The following ADCY9 variants were observed in gnomAD, a reference collection of about 807,000 sequenced individuals.
The protein encoded by ADCY9 is adenylate cyclase 9.
ADCY9 carries 50 observed loss-of-function variants against 101.5 expected under a neutral mutation model. That is an observed-to-expected ratio of 0.49 (90% confidence interval 0.39 to 0.62). The LOEUF (loss-of-function observed/expected upper bound fraction) is 0.62, where lower values mean the gene tolerates loss of function less well. ADCY9 is among the 20% of genes least tolerant of loss of function. The probability of loss-of-function intolerance (pLI) is 0.00; values close to 1 mark genes in which losing one functional copy is unlikely to be tolerated. For missense variants in ADCY9, 1,662 were observed against 1,800.4 expected (o/e 0.92, Z 1.39); for synonymous variants, 905 against 769.3 (o/e 1.18, Z -2.92).
intron 7 of ADCY9, among the ~76,000 whole-genome samples, chr16:3,981,203 G>A (rs2056139506): frequency 6.6e-6 from 1 of 152,232 alleles, no homozygotes; most frequent in Non-Finnish European, 1.5e-5. Flanking sequence ...AGATCCTTGG[G>A]GAGTATGTCT....
chr16:4,051,186 C>T (rs1486317646), intron 2 of ADCY9, among the ~76,000 whole-genome samples: 1 of 151,470 alleles, frequency 6.6e-6, no homozygotes, highest in East Asian at 1.9e-4. Context: ...GCACTCCAGC[C>T]GGGGCAACAG....
chr16:4,019,209 T>C (rs537833562), intron 2 of ADCY9, among the ~76,000 whole-genome samples: 101 of 152,260 alleles, frequency 6.6e-4, no homozygotes, highest in African/African-American at 2.3e-3. Context: ...CTTGAACTCC[T>C]GGCCTGAAGT....
intron 2 of ADCY9, among the ~76,000 whole-genome samples, chr16:4,022,620 A>G (rs2056485730): frequency 6.6e-6 from 1 of 151,664 alleles, no homozygotes; most frequent in Non-Finnish European, 1.5e-5. Context: ...GTATACCTGC[A>G]GCAATTTTTT....
intron 2 of ADCY9, among the ~76,000 whole-genome samples, chr16:4,090,879 A>G (rs189513429): frequency 9.2e-4 from 140 of 152,032 alleles, no homozygotes; most frequent in African/African-American, 3.2e-3. Context: ...TTATATCTAC[A>G]TTATAATTTT....
chr16:3,979,727 T>C (rs2056124867), intron 7 of ADCY9, among the ~76,000 whole-genome samples: 1 of 152,176 alleles, frequency 6.6e-6, no homozygotes, highest in African/African-American at 2.4e-5. Flanking sequence ...TCCTGGCATC[T>C]GGTGGGCAGG....
At chr16:4,065,711 G>A (rs1042335594) in intron 2 of ADCY9, among the ~76,000 whole-genome samples, 1 of 152,216 alleles carries the variant, frequency 6.6e-6, no homozygotes, top group African/African-American at 2.4e-5. Context: ...TGGGATTACA[G>A]GCATGAGCCA....
chr16:4,101,487 C>A (rs1445094351), intron 2 of ADCY9, among the ~76,000 whole-genome samples: 1 of 152,186 alleles, frequency 6.6e-6, no homozygotes, highest in Admixed American at 6.6e-5. Context: ...CTATGTTGCC[C>A]AGACTGGTCT....
intron 2 of ADCY9, among the ~76,000 whole-genome samples, chr16:4,015,998 G>A (rs1352217658): frequency 6.6e-6 from 1 of 151,830 alleles, no homozygotes; most frequent in East Asian, 1.9e-4. Flanking sequence ...AAACGAAAAT[G>A]CTGTGATATG....
chr16:4,018,906 G>A lies in ADCY9; in HGVS notation c.1694-11348C>T, dbSNP rs1223960286. ...TGGTGGCTGAAATACTATGGACTAT[G>A]TATTTCGGACTTCCTTTTTCTGAAC... On this transcript the variant is annotated intron_variant, in intron 2 of 10. Coordinates refer to ENST00000294016, the MANE Select transcript of ADCY9 (RefSeq NM_001116.4). Among the ~76,000 whole-genome samples the A allele has an allele frequency of 2.7e-5, 4 of 146,736 alleles. No individual in the cohort carries two copies. The East Asian group carries it at 7.9e-4, about 29-fold the overall frequency.
rs1371817100 is a variant in ADCY9 at position 4,011,997 on chromosome 16, G to A, written c.1694-4439C>T. 4.6e-5 allele frequency among the ~76,000 whole-genome samples: 7 copies of A among 152,204 alleles called. No homozygotes were observed. In the East Asian group the frequency reaches 7.7e-4, roughly 17 times the overall value. ...ATTATCGACGCAGTGTTTGATCTGCGTATCACTGGAATCTTTTTCATGCAC... is the reference window on the plus strand; with the variant it reads ...ATTATCGACGCAGTGTTTGATCTGCATATCACTGGAATCTTTTTCATGCAC... On this transcript the variant is annotated intron_variant, in intron 2 of 10. Coordinates refer to ENST00000294016, the MANE Select transcript of ADCY9 (RefSeq NM_001116.4).
At chr16:3,984,914 G>C (rs150187678) in intron 6 of ADCY9, among the ~76,000 whole-genome samples, 45 of 152,292 alleles carry the variant, frequency 3.0e-4, no homozygotes, top group Non-Finnish European at 4.6e-4. Flanking sequence ...CCAGGAACTA[G>C]GTGGGAGGGC....
chr16:4,020,229 T>C (rs890781775), intron 2 of ADCY9, among the ~76,000 whole-genome samples: 3 of 152,238 alleles, frequency 2.0e-5, no homozygotes, highest in Non-Finnish European at 2.9e-5. Context: ...AATTTTTTAA[T>C]GATTTCAATT....
At chr16:4,107,027 A>AC (rs1214913342) in intron 2 of ADCY9, among the ~76,000 whole-genome samples, 6 of 152,282 alleles carry the variant, frequency 3.9e-5, no homozygotes, top group Admixed American at 3.9e-4. Context: ...ACCAGAGGTT[A>AC]CTTCTACTCG....
chr16:4,055,662 T>C, intron 2 of ADCY9, among the ~76,000 whole-genome samples: 1 of 151,448 alleles, frequency 6.6e-6, no homozygotes. Flanking sequence ...TGAAACCCCG[T>C]CTCTACTAAA....
At chr16:4,088,178 C>T (rs1189206575) in intron 2 of ADCY9, among the ~76,000 whole-genome samples, 1 of 151,984 alleles carries the variant, frequency 6.6e-6, no homozygotes, top group African/African-American at 2.4e-5. Context: ...ATCATATTCC[C>T]CAAAGTAACT....
At chr16:4,102,562 A>T (rs556806248) in intron 2 of ADCY9, among the ~76,000 whole-genome samples, 1 of 152,244 alleles carries the variant, frequency 6.6e-6, no homozygotes, top group Non-Finnish European at 1.5e-5. Context: ...AGTAGCTGGG[A>T]CCACAGGCAT....
downstream of ADCY9, among the ~76,000 whole-genome samples, chr16:3,959,601 G>C (rs1309563601): frequency 6.6e-6 from 1 of 152,140 alleles, no homozygotes; most frequent in Non-Finnish European, 1.5e-5. Flanking sequence ...ACAAATACTG[G>C]CTGGATGTTA....
intron 10 of ADCY9, among the ~76,000 whole-genome samples, chr16:3,969,710 G>A (rs2056034960): frequency 1.4e-5 from 2 of 145,722 alleles, no homozygotes; most frequent in African/African-American, 5.0e-5. Flanking sequence ...GACCTCCCAG[G>A]CTAAAGCGAT....
rs1567413539 is a variant in ADCY9 at position 3,966,969 on chromosome 16, G to A, written c.2871-3C>T. The A allele has an allele frequency of 2.5e-6, 4 of 1,606,416 alleles. No homozygotes were observed. The highest frequency in any genetic ancestry group is 2.2e-5 in the East Asian group (1 of 44,784). On this transcript the variant is annotated splice_region_variant and splice_polypyrimidine_tract_variant and intron_variant, in intron 10 of 10. Coordinates refer to ENST00000294016, the MANE Select transcript of ADCY9 (RefSeq NM_001116.4). ...TATTGCACGGGTTCCTCTCGGAACT[G>A]GAGAGCAAAGACACGGGAAAGGGAG...
Sources: allele counts gnomAD v4.1 joint callset (sites outside exome capture counted in the v4.1 genomes callset), GRCh38; gene constraint gnomAD v4.1.1; transcripts MANE v1.5; gene names NCBI Gene and HGNC (gene_info 2026-07-23, HGNC 2026-07-21).